PRKN: variants seen among roughly 807,000 people sequenced by gnomAD.
PRKN encodes the protein parkin RBR E3 ubiquitin protein ligase, also known as E3 ubiquitin-protein ligase parkin.
Under a neutral mutation model 59.5 loss-of-function variants are expected in PRKN, and 56 were observed. The observed-to-expected ratio is 0.94, with a 90% CI of 0.76 to 1.18. PRKN has a LOEUF of 1.18. Ranked by LOEUF, PRKN falls within the 50% of genes most tolerant of loss-of-function variation. The pLI is 0.00. For synonymous variants in PRKN, 250 were observed against 222.1 expected (o/e 1.13, Z -1.12); for missense variants, 657 against 596.4 (o/e 1.10, Z -1.06).
intron 4 of PRKN, among the ~76,000 whole-genome samples, chr6:162,109,943 T>A (rs1368820925): frequency 1.3e-5 from 2 of 152,232 alleles, no homozygotes; most frequent in Admixed American, 6.5e-5. Context: ...TAACATCATA[T>A]GCCAATTGCA....
intron 11 of PRKN, among the ~76,000 whole-genome samples, chr6:161,350,672 T>A (rs1454445319): frequency 2.7e-5 from 2 of 74,816 alleles, no homozygotes; most frequent in African/African-American, 1.3e-4. Flanking sequence ...TATTTATATT[T>A]AAAATATATA....
intron 4 of PRKN, among the ~76,000 whole-genome samples, chr6:162,185,911 A>G (rs957577712): frequency 6.6e-6 from 1 of 152,154 alleles, no homozygotes; most frequent in Non-Finnish European, 1.5e-5. Flanking sequence ...GTACCAACTA[A>G]AGATATTTAG....
At chr6:162,173,491 T>C (rs1186545525) in intron 4 of PRKN, among the ~76,000 whole-genome samples, 1 of 152,040 alleles carries the variant, frequency 6.6e-6, no homozygotes, top group Non-Finnish European at 1.5e-5. Context: ...CAGCCACATG[T>C]GGAGTGCGTC....
intron 2 of PRKN, among the ~76,000 whole-genome samples, chr6:162,371,242 G>A (rs1020282739): frequency 6.6e-6 from 1 of 152,132 alleles, no homozygotes; most frequent in African/African-American, 2.4e-5. Flanking sequence ...GTTCACTCTG[G>A]GCCCCGACCC....
At chr6:161,597,104 T>C (rs2003713) in intron 7 of PRKN, among the ~76,000 whole-genome samples, 91,358 of 151,998 alleles carry the variant, frequency 0.6, 27,575 homozygotes, top group Middle Eastern at 0.67. Flanking sequence ...CACGCTTTTC[T>C]TCCTGTTTGG....
intron 5 of PRKN, among the ~76,000 whole-genome samples, chr6:161,999,241 C>A (rs1375670784): frequency 6.6e-6 from 1 of 152,046 alleles, no homozygotes; most frequent in Non-Finnish European, 1.5e-5. Context: ...AGAGAAGAGG[C>A]AGTCTGGATA....
chr6:161,485,300 GAATAGGCAT>G (rs1387826448), intron 9 of PRKN, among the ~76,000 whole-genome samples: 1 of 152,112 alleles, frequency 6.6e-6, no homozygotes, highest in Admixed American at 6.6e-5. Flanking sequence ...ATAAAAAACT[GAATAGGCAT>G]CTCCATCAAA....
At chr6:162,069,615 T>C (rs1466171312) in intron 4 of PRKN, among the ~76,000 whole-genome samples, 1 of 152,206 alleles carries the variant, frequency 6.6e-6, no homozygotes, top group Non-Finnish European at 1.5e-5. Flanking sequence ...AAGAACGTAT[T>C]ATAGAAGCAG....
intron 7 of PRKN, among the ~76,000 whole-genome samples, chr6:161,703,311 AC>A (rs1248447726): frequency 6.6e-6 from 1 of 152,150 alleles, no homozygotes; most frequent in East Asian, 1.9e-4. Flanking sequence ...CAAACAAAAA[AC>A]AAACAAAGGA....
Position 162,328,230 on chromosome 6 carries a change from A to G in PRKN, c.172-65465T>C, listed in dbSNP as rs139663681. 7.7e-3 allele frequency among the ~76,000 whole-genome samples: 1,172 copies of G among 152,184 alleles called. 20 individuals carry two copies. The highest frequency in any genetic ancestry group is 0.027 in the African/African-American group (1,119 of 41,508). On this transcript the variant is annotated intron_variant, in intron 2 of 11. Transcript: ENST00000366898. Reference sequence around the variant, plus strand: ...AAAAAGTTAATGGGCATGGTGGTGCACACCTGTAGTCCTAGCTACTCAGGA... The same window carrying G: ...AAAAAGTTAATGGGCATGGTGGTGCGCACCTGTAGTCCTAGCTACTCAGGA...
chr6:162,068,731 A>C (rs1371817679), intron 4 of PRKN, among the ~76,000 whole-genome samples: 4 of 151,940 alleles, frequency 2.6e-5, no homozygotes, highest in African/African-American at 7.3e-5. Context: ...GTCTTAGATA[A>C]CATAATTGGC....
rs114251764 is a variant in PRKN at position 161,396,968 on chromosome 6, C to A, written c.1084-10091G>T. ...CAATCAGTCAAAATGATACATTAAC[C>A]CTTTATTGTATGTTGAGCAGTCTCA... On this transcript the variant is annotated intron_variant, in intron 9 of 11. Transcript: ENST00000366898. This position sits in a 1 kb window ranked among gnomAD's most constrained non-coding sequence, Gnocchi z 5.4. 0.015 allele frequency among the ~76,000 whole-genome samples: 2,209 copies of A among 152,254 alleles called. 55 individuals carry two copies. The highest frequency in any genetic ancestry group is 0.051 in the African/African-American group (2,104 of 41,514).
chr6:162,171,203 C>G (rs1369174188), intron 4 of PRKN, among the ~76,000 whole-genome samples: 2 of 151,738 alleles, frequency 1.3e-5, no homozygotes, highest in South Asian at 4.2e-4. Flanking sequence ...GAGGATGGTG[C>G]ACACAGAAAA....
At chr6:161,665,642 C>T (rs968001192) in intron 7 of PRKN, among the ~76,000 whole-genome samples, 4 of 152,186 alleles carry the variant, frequency 2.6e-5, no homozygotes, top group African/African-American at 9.6e-5. Flanking sequence ...TCAAAATCTC[C>T]TTTGGAAGTT....
chr6:161,616,319 T>C (rs910305459), intron 7 of PRKN, among the ~76,000 whole-genome samples: 33 of 152,104 alleles, frequency 2.2e-4, no homozygotes, highest in African/African-American at 8.0e-4. Context: ...CCTTTTAAAC[T>C]TTAAACCACT....
chr6:161,566,656 C>T lies in PRKN; in HGVS notation c.933+2699G>A, dbSNP rs939161576. On this transcript the variant is annotated intron_variant, in intron 8 of 11. Coordinates refer to ENST00000366898, the MANE Select transcript of PRKN (RefSeq NM_004562.3). This position sits in a 1 kb window ranked among gnomAD's most constrained non-coding sequence, Gnocchi z 4.1. ...TCCTGACCTCAGGTGATCCATTCGC[C>T]TTAGCCTCCCAAAGATGTGGGATTA... Among the ~76,000 whole-genome samples the T allele has an allele frequency of 6.6e-6, 1 of 152,180 alleles. No individual in the cohort carries two copies. Among genetic ancestry groups the T allele is most frequent in the Non-Finnish European group, 1.5e-5 (1 of 68,036 alleles).
chr6:162,502,375 G>C (rs1357455764), intron 1 of PRKN, among the ~76,000 whole-genome samples: 1 of 152,208 alleles, frequency 6.6e-6, no homozygotes, highest in East Asian at 1.9e-4. Context: ...TGCCCAGGCT[G>C]GTCTGAAACT....
At chr6:161,987,556 A>C in intron 5 of PRKN, among the ~76,000 whole-genome samples, 1 of 152,242 alleles carries the variant, frequency 6.6e-6, no homozygotes, top group Non-Finnish European at 1.5e-5. Context: ...CAGATCATGT[A>C]GAATACCTAA....
intron 3 of PRKN, among the ~76,000 whole-genome samples, chr6:162,223,640 CACACACACACACACACACACA>C (rs942575059): frequency 3.2e-4 from 33 of 102,480 alleles, no homozygotes; most frequent in Middle Eastern, 4.5e-3. Context: ...CACACACACA[CACACACACACACACACACACA>C]AACATAATGC....
Sources: gnomAD v4.1 joint callset for allele counts (sites outside exome capture counted in the v4.1 genomes callset) on GRCh38, gnomAD v4.1.1 for gene constraint, Gnocchi (gnomAD v3.1) non-coding constraint, MANE v1.5 for transcripts, NCBI Gene and HGNC (gene_info 2026-07-23, HGNC 2026-07-21) for gene names.